Variants in AKNAD1 observed in about 807,000 individuals in gnomAD.
AKNAD1 encodes AKNA domain containing 1.
In AKNAD1, 67 loss-of-function variants were observed where a neutral mutation model predicts 90.8. The ratio of observed to expected loss-of-function variants is 0.74; its 90% CI spans 0.61 to 0.90. The LOEUF is 0.90. Among genes scored for constraint, AKNAD1 ranks in the 40% least tolerant of loss-of-function variants. The pLI is 0.00. For synonymous variants in AKNAD1, 327 were observed against 341.4 expected (o/e 0.96, Z 0.46); for missense variants, 957 against 975.4 (o/e 0.98, Z 0.25).
At chr1:108,823,498 A>G (rs1169391014) in intron 12 of AKNAD1, 21 bp from the exon 13 acceptor site, 1 of 1,611,770 alleles carries the variant, frequency 6.2e-7, no homozygotes, top group African/African-American at 1.3e-5. Flanking sequence ...AAGATTAAAA[A>G]TACAGTTAAT....
intron 2 of AKNAD1, among the ~76,000 whole-genome samples, chr1:108,849,949 A>G (rs1281194945): frequency 1.3e-5 from 2 of 152,158 alleles, no homozygotes; most frequent in South Asian, 4.1e-4. Flanking sequence ...ATGCTGAAAC[A>G]TTTCTCCTAA....
At position 108,852,197 on chromosome 1, in the gene AKNAD1, A is replaced by C. The variant is rs757438524; in HGVS notation, c.468T>G (p.Asn156Lys). The C allele has an allele frequency of 6.2e-7, 1 of 1,613,718 alleles. No homozygotes were observed. Among genetic ancestry groups the C allele is most frequent in the South Asian group, 1.1e-5 (1 of 91,022 alleles). ...TTTGTTCTTTTGGCCAAGAATTCTT[A>C]TTATAACATGAAATAATACTTTTAA... ...AIIKSIISCY[N>K]KNSWPKEQTP... Residue 156 changes from asparagine to lysine, a missense_variant, in exon 2 of 16, where the codon AAT becomes AAG. Asn to Lys is a moderately conservative substitution (Grantham distance 94). Coordinates refer to ENST00000370001, the MANE Select transcript of AKNAD1 (RefSeq NM_152763.5).
chr1:108,824,673 G>A (rs550808048), intron 11 of AKNAD1, among the ~76,000 whole-genome samples: 1 of 151,458 alleles, frequency 6.6e-6, no homozygotes, highest in Non-Finnish European at 1.5e-5. Context: ...GAAATGCAGT[G>A]GCTCAATCAT....
chr1:108,823,739 C>T lies in AKNAD1; in HGVS notation c.1937-51G>A. The T allele has an allele frequency of 5.0e-6, 8 of 1,612,540 alleles. No individual in the cohort carries two copies. The South Asian group carries it at 8.8e-5, about 18-fold the overall frequency. On this transcript the variant is annotated intron_variant, in intron 11 of 15. Transcript: ENST00000370001. ...GAAGGGTAAGTGTCTTGATTATAGT[C>T]ATAAAATACGGTGTGGAGAGCAGAG...
At position 108,848,932 on chromosome 1, in the gene AKNAD1, T is replaced by C; in HGVS notation, c.1162A>G (p.Thr388Ala). 6.2e-7 allele frequency: 1 copy of C among 1,606,756 alleles called. No individual in the cohort carries two copies. Among genetic ancestry groups the C allele is most frequent in the Non-Finnish European group, 8.5e-7 (1 of 1,177,980 alleles). The change falls in exon 4 of 16, where the codon ACT becomes GCT. Residue 388 changes from threonine (T) to alanine (A), a missense_variant. Coordinates refer to ENST00000370001, the MANE Select transcript of AKNAD1 (RefSeq NM_152763.5). ...ATTACTTTAGTCTTCAGTTGATCAG[T>C]CTGTTCTTTCAACTTCTGACACATC... ...KQMCQKLKEQ[T>A]DQLKTKVQEF...
chr1:108,857,265 A>G (rs993787216), upstream of AKNAD1: 5 of 152,750 alleles, frequency 3.3e-5, no homozygotes, highest in Non-Finnish European at 5.9e-5. Context: ...AATGGACAAC[A>G]AGGTGGTCAC....
At chr1:108,827,134 G>T in intron 11 of AKNAD1, 71 bp downstream of exon 11, 1 of 1,082,222 alleles carries the variant, frequency 9.2e-7, no homozygotes, top group Admixed American at 1.8e-5. Context: ...GCAAGCTGGT[G>T]CCTACTGCGA....
chr1:108,817,877 G>A (rs182328831), intron 14 of AKNAD1, among the ~76,000 whole-genome samples: 62 of 152,250 alleles, frequency 4.1e-4, no homozygotes, highest in Non-Finnish European at 4.4e-4. Flanking sequence ...GGTACCTTGG[G>A]TTGAGTTCAT....
intron 5 of AKNAD1, among the ~76,000 whole-genome samples, chr1:108,847,461 CA>C (rs1271804119): frequency 2.1e-4 from 29 of 137,674 alleles, no homozygotes; most frequent in Non-Finnish European, 2.4e-4. Flanking sequence ...AAAAAAAAAA[CA>C]AAAAAAAAAA....
At chr1:108,847,123 C>T (rs371652062) in intron 5 of AKNAD1, among the ~76,000 whole-genome samples, 42 of 152,150 alleles carry the variant, frequency 2.8e-4, no homozygotes, top group East Asian at 2.5e-3. Context: ...CAGCCTTGCC[C>T]CCATGGTGCT....
chr1:108,823,004 G>A, intron 13 of AKNAD1: 2 of 594,288 alleles, frequency 3.4e-6, no homozygotes, highest in South Asian at 4.2e-5. Flanking sequence ...CTGACTCTTA[G>A]TAGGGATATA....
intron 11 of AKNAD1, 90 bp from the exon 12 acceptor site, chr1:108,823,778 G>A: frequency 6.3e-7 from 1 of 1,576,490 alleles, no homozygotes; most frequent in Non-Finnish European, 8.6e-7. Context: ...TAACTGTGCA[G>A]GGTATGTGTT....
intron 1 of AKNAD1, among the ~76,000 whole-genome samples, chr1:108,853,136 CTT>C (rs889504364): frequency 5.2e-5 from 7 of 133,500 alleles, no homozygotes; most frequent in Admixed American, 1.5e-4. Context: ...TTTCTTTTTT[CTT>C]TTTTTTTTTT....
At chr1:108,849,747 C>T (rs561866533) in intron 2 of AKNAD1, among the ~76,000 whole-genome samples, 171 bp from the exon 3 acceptor site, 141 of 152,210 alleles carry the variant, frequency 9.3e-4, no homozygotes, top group African/African-American at 3.2e-3. Flanking sequence ...TGCTGGGCAA[C>T]CCAAGTAATT....
intron 2 of AKNAD1, among the ~76,000 whole-genome samples, chr1:108,850,024 G>A (rs1378507556): frequency 6.6e-6 from 1 of 152,128 alleles, no homozygotes. Flanking sequence ...TCTGTTGCTG[G>A]TGCTGTCACT....
chr1:108,817,300 C>G lies in AKNAD1; in HGVS notation c.2250-123G>C, dbSNP rs963811831. ...TTGGGTGTGGGTGGATTCGTGCACC[C>G]GCTGCCCTCCTAGCTCTCATACTCC... On this transcript the variant is annotated intron_variant, in intron 14 of 15. Transcript: ENST00000370001. 3.2e-6 allele frequency: 4 copies of G among 1,265,508 alleles called. No individual in the cohort carries two copies. In the African/African-American group the frequency reaches 4.5e-5, roughly 14 times the overall value. The allele number at this position is 1,265,508 out of a possible 1,614,324, so 78.4% of individuals were successfully genotyped here. A position where few individuals can be genotyped will look rare whatever the true frequency, so the allele number is the denominator to read the frequency against.
At chr1:108,824,178 A>C (rs1029265321) in intron 11 of AKNAD1, among the ~76,000 whole-genome samples, 18 of 152,184 alleles carry the variant, frequency 1.2e-4, no homozygotes, top group Non-Finnish European at 2.2e-4. Context: ...TTGCTCTCTT[A>C]GCCTCAAAGA....
chr1:108,845,543 G>T (rs1041305882), intron 5 of AKNAD1, among the ~76,000 whole-genome samples: 5 of 152,156 alleles, frequency 3.3e-5, no homozygotes, highest in Non-Finnish European at 7.3e-5. Flanking sequence ...ATCCCTTATT[G>T]GTTTCCCTTA....
chr1:108,823,003 A>C (rs1663866411), intron 13 of AKNAD1: 2 of 592,978 alleles, frequency 3.4e-6, no homozygotes, highest in Non-Finnish European at 6.0e-6. Context: ...GCTGACTCTT[A>C]GTAGGGATAT....
Sources: gnomAD v4.1 joint callset for allele counts (sites outside exome capture counted in the v4.1 genomes callset) on GRCh38, gnomAD v4.1.1 for gene constraint, MANE v1.5 for transcripts, NCBI Gene and HGNC (gene_info 2026-07-23, HGNC 2026-07-21) for gene names.